Variants in CNBD2 observed in about 807,000 individuals in gnomAD.
The protein encoded by CNBD2 is cyclic nucleotide-binding domain-containing protein 2.
In CNBD2, 64 loss-of-function variants were observed where a neutral mutation model predicts 63.7. The ratio of observed to expected loss-of-function variants is 1.00; its 90% CI spans 0.82 to 1.24. The LOEUF (loss-of-function observed/expected upper bound fraction) is 1.24, where lower values mean the gene tolerates loss of function less well. CNBD2 is among the 50% of genes most tolerant of loss of function. CNBD2 has a pLI of 0.00. For missense variants in CNBD2, 691 were observed against 713.5 expected (o/e 0.97, Z 0.36); for synonymous variants, 229 against 255.4 (o/e 0.90, Z 0.99).
intron 2 of CNBD2, among the ~76,000 whole-genome samples, chr20:35,963,109 T>C (rs2056320485): frequency 6.6e-6 from 1 of 152,146 alleles, no homozygotes; most frequent in African/African-American, 2.4e-5. Context: ...TTTAAGAGGC[T>C]GAAGTGGGAG....
intron 7 of CNBD2, among the ~76,000 whole-genome samples, chr20:35,989,838 C>A (rs909198388): frequency 3.1e-5 from 4 of 129,774 alleles, no homozygotes; most frequent in Admixed American, 9.0e-5. Flanking sequence ...AAGACCCTAT[C>A]TCTAAGAAAG....
rs1284597501 is a variant in CNBD2 at position 35,980,635 on chromosome 20, C to T, written c.407+13C>T. The stretch of plus-strand genomic sequence containing the variant: ...TGCGCTTTGAACGGTCAGTGAGGGG[C>T]ACAGCCCTTGGCCACCAGGCTGAGG... On this transcript the variant is annotated intron_variant, in intron 4 of 11. Coordinates refer to ENST00000373973, the MANE Select transcript of CNBD2 (RefSeq NM_001365709.1). The T allele has an allele frequency of 1.2e-6, 2 of 1,612,014 alleles. No homozygotes were observed. The highest frequency in any genetic ancestry group is 2.7e-5 in the African/African-American group (2 of 75,022).
At chr20:35,986,331 T>G (rs1004390326) in intron 6 of CNBD2, among the ~76,000 whole-genome samples, 1 of 147,528 alleles carries the variant, frequency 6.8e-6, no homozygotes, top group African/African-American at 2.6e-5. Flanking sequence ...GGAGGAGCTG[T>G]TTTTTTTTTC....
intron 11 of CNBD2, 45 bp downstream of exon 11, chr20:36,023,816 A>G (rs917589588): frequency 2.0e-6 from 3 of 1,481,956 alleles, no homozygotes; most frequent in South Asian, 1.4e-5. Flanking sequence ...TGAAATGAAC[A>G]ATTTTTCACC....
chr20:36,014,158 A>G (rs2057102492), intron 10 of CNBD2, among the ~76,000 whole-genome samples: 1 of 146,940 alleles, frequency 6.8e-6, no homozygotes, highest in Non-Finnish European at 1.5e-5. Flanking sequence ...ACTCCAGCCT[A>G]GGTGACAGAG....
At chr20:35,973,229 G>A (rs1045308798) in intron 2 of CNBD2, 13 of 176,832 alleles carry the variant, frequency 7.4e-5, no homozygotes, top group Middle Eastern at 4.4e-3. Flanking sequence ...AAGAAACCTT[G>A]GGAGTAGAGA....
chr20:35,999,172 T>C (rs1275205693), intron 8 of CNBD2, among the ~76,000 whole-genome samples: 1 of 152,150 alleles, frequency 6.6e-6, no homozygotes, highest in Non-Finnish European at 1.5e-5. Context: ...TCTTTTTCCA[T>C]CCTTTTGTGT....
chr20:35,957,018 T>C (rs949523989), downstream of CNBD2, among the ~76,000 whole-genome samples: 1 of 152,158 alleles, frequency 6.6e-6, no homozygotes, highest in Non-Finnish European at 1.5e-5. Flanking sequence ...AATTTAGTTA[T>C]TATCTTCTTG....
intron 8 of CNBD2, among the ~76,000 whole-genome samples, chr20:36,001,362 G>A (rs1297915314): frequency 3.4e-5 from 5 of 146,758 alleles, no homozygotes; most frequent in Admixed American, 3.3e-4. Flanking sequence ...TGGCAGGGTG[G>A]GGGGCTGACC....
chr20:35,980,196 G>A (rs6060740), intron 3 of CNBD2, among the ~76,000 whole-genome samples: 1 of 152,180 alleles, frequency 6.6e-6, no homozygotes, highest in Non-Finnish European at 1.5e-5. Context: ...GGGGATGTCA[G>A]CGTTGATATG....
rs10709929 is a variant in CNBD2, at chr20:36,010,774, G to GA, written c.1149-352dup. On this transcript the variant is annotated intron_variant, in intron 9 of 11. Coordinates refer to ENST00000373973, the MANE Select transcript of CNBD2 (RefSeq NM_001365709.1). ...GAGACTCCGTCTCAAAGAAAAAAAA[G>GA]AAAAAAAAAAAGAAAGAAATTCCTT... Among the ~76,000 whole-genome samples, 18 of 145,618 alleles carry GA rather than the reference G, an allele frequency of 1.2e-4. 1 individual carries two copies. Among genetic ancestry groups the GA allele is most frequent in the Admixed American group, 3.4e-4 (5 of 14,540 alleles).
chr20:35,996,669 G>A (rs1179251480), intron 8 of CNBD2, among the ~76,000 whole-genome samples: 1 of 151,926 alleles, frequency 6.6e-6, no homozygotes, highest in Admixed American at 6.6e-5. Flanking sequence ...CACCATGCCC[G>A]GCCAATTTTT....
chr20:35,993,722 A>G (rs762338632), intron 7 of CNBD2, among the ~76,000 whole-genome samples: 1 of 152,092 alleles, frequency 6.6e-6, no homozygotes, highest in Non-Finnish European at 1.5e-5. Context: ...TTTTATCTCT[A>G]TGTTTTTATG....
intron 8 of CNBD2, among the ~76,000 whole-genome samples, chr20:36,001,646 G>T (rs1468406317): frequency 4.6e-5 from 7 of 151,136 alleles, no homozygotes; most frequent in Admixed American, 2.0e-4. Context: ...CAGATGGGGC[G>T]GTTGCCAGGC....
At chr20:36,002,576 C>A (rs1176922103) in intron 8 of CNBD2, among the ~76,000 whole-genome samples, 1 of 152,212 alleles carries the variant, frequency 6.6e-6, no homozygotes, top group Non-Finnish European at 1.5e-5. Flanking sequence ...CAGGCATAAG[C>A]CACTGCACCT....
chr20:36,023,756 A>G lies in CNBD2; in HGVS notation c.1424A>G (p.Asn475Ser), dbSNP rs552811368. The G allele has an allele frequency of 2.5e-6, 4 of 1,612,034 alleles. No individual in the cohort carries two copies. The highest frequency in any genetic ancestry group is 1.3e-5 in the African/African-American group (1 of 74,938). The change falls in exon 11 of 12, where the codon AAT (asparagine) becomes AGT (serine). Residue 475 changes from asparagine (N) to serine (S), a missense_variant. By Grantham distance (46) the Asn-to-Ser change is conservative. Coordinates refer to ENST00000373973, the MANE Select transcript of CNBD2 (RefSeq NM_001365709.1). ...ATGATAAAAAAGTTGTTAAAGCTCA[A>G]TATTGCATTCCCCAGGTCAGTACTG... Reference protein sequence around the residue: ...DEMIKKLLKLNIAFPSDEDMC... With the variant: ...DEMIKKLLKLSIAFPSDEDMC...
downstream of CNBD2, among the ~76,000 whole-genome samples, chr20:35,958,276 CA>C (rs2056276396): frequency 6.6e-6 from 1 of 151,930 alleles, no homozygotes. Context: ...ACTAAAAATA[CA>C]AAAAATTAGC....
At chr20:36,000,344 T>C (rs2056879133) in intron 8 of CNBD2, among the ~76,000 whole-genome samples, 1 of 152,192 alleles carries the variant, frequency 6.6e-6, no homozygotes, top group Non-Finnish European at 1.5e-5. Context: ...TATTTATTGT[T>C]TTCAACAAGA....
intron 8 of CNBD2, among the ~76,000 whole-genome samples, chr20:36,002,282 A>T (rs990889999): frequency 2.0e-5 from 3 of 152,218 alleles, no homozygotes; most frequent in Non-Finnish European, 4.4e-5. Flanking sequence ...CTGCAATCGC[A>T]GGCACTTGGC....
Sources: gnomAD v4.1 joint callset for allele counts (sites outside exome capture counted in the v4.1 genomes callset) on GRCh38, gnomAD v4.1.1 for gene constraint, MANE v1.5 for transcripts, NCBI Gene and HGNC (gene_info 2026-07-23, HGNC 2026-07-21) for gene names.